Variants in YAP1 observed in about 807,000 individuals in gnomAD.
YAP1 encodes the protein transcriptional coactivator YAP1.
In YAP1, 5 loss-of-function variants were observed where a neutral mutation model predicts 56.9. The ratio of observed to expected loss-of-function variants is 0.09; its 90% CI spans 0.05 to 0.18. YAP1 has a LOEUF of 0.18. YAP1 is among the 10% of genes least tolerant of loss of function. The probability of loss-of-function intolerance (pLI) is 1.00; values close to 1 mark genes in which losing one functional copy is unlikely to be tolerated. For missense variants in YAP1, 539 were observed against 651.8 expected, an observed-to-expected ratio of 0.83 and a Z score of 1.88; for synonymous variants, 265 against 248.1, an observed-to-expected ratio of 1.07 and a Z score of -0.64.
At chr11:102,170,425 A>T (rs1946837129) in intron 3 of YAP1, among the ~76,000 whole-genome samples, 1 of 152,136 alleles carries the variant, frequency 6.6e-6, no homozygotes, top group African/African-American at 2.4e-5. Context: ...AAATGTGTTG[A>T]GGAGTACTGT....
Position 102,227,517 on chromosome 11 carries a change from G to T in YAP1, c.1212G>T (p.Met404Ile). The T allele has an allele frequency of 1.2e-6, 2 of 1,614,042 alleles. No individual in the cohort carries two copies. Among genetic ancestry groups the T allele is most frequent in the Non-Finnish European group, 1.7e-6 (2 of 1,179,998 alleles). The change falls in exon 8 of 9, where the codon ATG becomes ATT. Residue 404 changes from methionine to isoleucine, a missense_variant. Around this residue, in one of 4 missense-constraint regions of YAP1, gnomAD observed 414 missense variants for 512.4 expected, o/e 0.81. Transcript: ENST00000282441. ...RDESTDSGLS[M>I]SSYSVPRTPD... Reference sequence around the variant, plus strand: ...AGAGTACAGACAGTGGACTAAGCATGAGCAGCTACAGTGTCCCTCGAACCC... The same window carrying T: ...AGAGTACAGACAGTGGACTAAGCATTAGCAGCTACAGTGTCCCTCGAACCC...
intron 4 of YAP1, among the ~76,000 whole-genome samples, chr11:102,204,695 A>C (rs549728769): frequency 6.6e-6 from 1 of 152,336 alleles, no homozygotes; most frequent in Non-Finnish European, 1.5e-5. Flanking sequence ...TTAAGTTATA[A>C]GAGCTGTCAG....
Position 102,216,154 on chromosome 11 carries a change from A to G in YAP1, c.1032+6590A>G, listed in dbSNP as rs79333843. On this transcript the variant is annotated intron_variant, in intron 6 of 8. Transcript: ENST00000282441. ...TAGACAAATGAAAGAGTTTTCTCCTATAAGGTGTCCTGCTTCTGGGGAGGA... is the reference window on the plus strand; with the variant it reads ...TAGACAAATGAAAGAGTTTTCTCCTGTAAGGTGTCCTGCTTCTGGGGAGGA... 5.7e-3 allele frequency among the ~76,000 whole-genome samples: 868 copies of G among 152,330 alleles called. 11 individuals are homozygous for G. Among genetic ancestry groups the G allele is most frequent in the African/African-American group, 0.02 (832 of 41,582 alleles).
chr11:102,177,633 C>T lies in YAP1; in HGVS notation c.689-8385C>T, dbSNP rs562231668. ...TGGAGGTTGCAGTGAACCAAGATTG[C>T]GCCATGGCACTCTAGCCTGGCGACA... is the stretch of plus-strand genomic sequence containing the variant. On this transcript the variant is annotated intron_variant, in intron 3 of 8. Coordinates refer to ENST00000282441, the MANE Select transcript of YAP1 (RefSeq NM_001130145.3). 1.0e-4 allele frequency among the ~76,000 whole-genome samples: 15 copies of T among 147,166 alleles called. 1 individual carries two copies. The South Asian group carries it at 1.9e-3, about 19-fold the overall frequency.
chr11:102,164,727 G>T (rs1401929669), intron 3 of YAP1, among the ~76,000 whole-genome samples: 3 of 151,344 alleles, frequency 2.0e-5, no homozygotes, highest in Non-Finnish European at 4.4e-5. Context: ...GGGTTTTTTT[G>T]TTTTTTTTCT....
At chr11:102,225,400 G>A (rs1165114802) in intron 7 of YAP1, among the ~76,000 whole-genome samples, 3 of 152,120 alleles carry the variant, frequency 2.0e-5, no homozygotes, top group South Asian at 2.1e-4. Flanking sequence ...CAGGAGAATC[G>A]CTTGAACCCG....
intron 2 of YAP1, among the ~76,000 whole-genome samples, chr11:102,160,635 C>G (rs897646077): frequency 6.6e-6 from 1 of 152,166 alleles, no homozygotes; most frequent in East Asian, 1.9e-4. Context: ...GATGGAGTGA[C>G]AAGAACTCCC....
intron 3 of YAP1, among the ~76,000 whole-genome samples, chr11:102,184,989 A>C (rs1947868791): frequency 6.6e-6 from 1 of 152,220 alleles, no homozygotes; most frequent in Non-Finnish European, 1.5e-5. Context: ...TACTGTAAGA[A>C]TTAAATGAAT....
chr11:102,130,744 T>A (rs1292837838), intron 2 of YAP1, among the ~76,000 whole-genome samples: 3 of 144,524 alleles, frequency 2.1e-5, no homozygotes, highest in East Asian at 2.0e-4. Context: ...TTTTTTTTTT[T>A]AAGATTTAAA....
intron 3 of YAP1, among the ~76,000 whole-genome samples, chr11:102,167,594 A>T (rs1456703048): frequency 6.6e-6 from 1 of 152,120 alleles, no homozygotes; most frequent in African/African-American, 2.4e-5. Flanking sequence ...TTAGCTGAGC[A>T]TTGGTGGTGC....
intron 7 of YAP1, 81 bp from the exon 8 acceptor site, chr11:102,227,388 C>T: frequency 1.1e-6 from 1 of 910,054 alleles, no homozygotes; most frequent in East Asian, 2.6e-5. Context: ...AATTATGTTG[C>T]TGCTCAGCAG....
In YAP1 at chr11:102,230,043, A is replaced by G. The variant is rs920249124; in HGVS notation, c.*103A>G. 8 of 951,554 alleles carry G rather than the reference A, an allele frequency of 8.4e-6. No homozygotes were observed. Among genetic ancestry groups the G allele is most frequent in the Admixed American group, 2.2e-5 (1 of 46,380 alleles). The allele number at this position is 951,554 out of a possible 1,614,324, so 58.9% of individuals were successfully genotyped here. On this transcript the variant is annotated 3_prime_UTR_variant, in exon 9 of 9. Transcript: ENST00000282441. ...TGCAGTTTTCAGGCTAATACAGAAA[A>G]AGATGAACAAACGTCCAGCAAGATA...
At position 102,232,448 on chromosome 11, in the gene YAP1, A is replaced by C. The variant is rs1478460123; in HGVS notation, c.*2508A>C. 1 of 152,196 alleles carries C rather than the reference A, an allele frequency of 6.6e-6. No individual in the cohort carries two copies. The highest frequency in any genetic ancestry group is 1.5e-5 in the Non-Finnish European group (1 of 68,066). 9.4% of individuals were successfully genotyped at this position (152,196 alleles called of 1,614,324 possible). A position where few individuals can be genotyped will look rare whatever the true frequency, so the allele number is the denominator to read the frequency against. On this transcript the variant is annotated 3_prime_UTR_variant, in exon 9 of 9. Coordinates refer to ENST00000282441, the MANE Select transcript of YAP1 (RefSeq NM_001130145.3). ...AATATGAATATGGAGATCTTCCTTT[A>C]CCCCTCAACTTTAATTTGCCCAGTT...
chr11:102,115,356 T>C (rs897180801), intron 2 of YAP1, among the ~76,000 whole-genome samples: 27 of 152,210 alleles, frequency 1.8e-4, no homozygotes, highest in African/African-American at 6.3e-4. Context: ...CTTGACAGTC[T>C]ACTCCTAAGG....
At chr11:102,208,050 C>G (rs939746487) in intron 5 of YAP1, among the ~76,000 whole-genome samples, 8 of 152,132 alleles carry the variant, frequency 5.3e-5, no homozygotes, top group Non-Finnish European at 1.0e-4. Flanking sequence ...ACCAGAGAAG[C>G]CTGAAACTTG....
intron 6 of YAP1, among the ~76,000 whole-genome samples, chr11:102,213,222 C>T (rs978779261): frequency 1.2e-4 from 19 of 152,236 alleles, no homozygotes; most frequent in Admixed American, 8.5e-4. Flanking sequence ...CGGTGGCTCA[C>T]GCTTGTAATC....
intron 6 of YAP1, among the ~76,000 whole-genome samples, chr11:102,221,060 T>A (rs1591460649): frequency 6.6e-6 from 1 of 152,120 alleles, no homozygotes; most frequent in African/African-American, 2.4e-5. Context: ...GAGATGAAGG[T>A]CACTGGAATC....
intron 2 of YAP1, among the ~76,000 whole-genome samples, chr11:102,152,577 G>A (rs1591248021): frequency 6.6e-6 from 1 of 152,208 alleles, no homozygotes; most frequent in South Asian, 2.1e-4. Context: ...TTGGTCAGGT[G>A]GTCTCCAAGT....
At chr11:102,140,293 T>C (rs904107287) in intron 2 of YAP1, among the ~76,000 whole-genome samples, 4 of 152,192 alleles carry the variant, frequency 2.6e-5, no homozygotes, top group Admixed American at 2.6e-4. Flanking sequence ...ATATCTATGA[T>C]TTTCATTTCA....
Sources: allele counts gnomAD v4.1 joint callset (sites outside exome capture counted in the v4.1 genomes callset), GRCh38; gene constraint gnomAD v4.1.1; regional missense constraint gnomAD v4.1.1; transcripts MANE v1.5; gene names NCBI Gene and HGNC (gene_info 2026-07-23, HGNC 2026-07-21).